The following CACNG3 variants were observed in gnomAD, a reference collection of about 807,000 sequenced individuals.
CACNG3 encodes the protein calcium voltage-gated channel auxiliary subunit gamma 3, also known as voltage-dependent calcium channel gamma-3 subunit.
A neutral mutation model predicts 28.5 loss-of-function variants in CACNG3; 3 were observed. The observed-to-expected ratio is 0.11, with a 90% CI of 0.05 to 0.27. CACNG3 has a LOEUF of 0.27. Ranked by LOEUF, CACNG3 falls within the 10% of genes least tolerant of loss-of-function variation. The probability of loss-of-function intolerance (pLI) is 1.00; values close to 1 mark genes in which losing one functional copy is unlikely to be tolerated. For synonymous variants in CACNG3, 174 were observed against 162.2 expected, an observed-to-expected ratio of 1.07 and a Z score of -0.55; for missense variants, 236 against 414.4, an observed-to-expected ratio of 0.57 and a Z score of 3.74.
intron 1 of CACNG3, among the ~76,000 whole-genome samples, chr16:24,286,525 A>G (rs1403302778): frequency 6.6e-6 from 1 of 152,050 alleles, no homozygotes; most frequent in Non-Finnish European, 1.5e-5. Context: ...GCAGCCCTGA[A>G]TTTCAGTCAT....
intron 3 of CACNG3, among the ~76,000 whole-genome samples, chr16:24,359,909 C>T (rs528596163): frequency 3.9e-5 from 6 of 152,270 alleles, no homozygotes; most frequent in Admixed American, 3.9e-4. Flanking sequence ...AATCCTAATG[C>T]ATGTGCACCA....
intron 1 of CACNG3, among the ~76,000 whole-genome samples, chr16:24,315,313 A>G (rs1596639461): frequency 6.6e-6 from 1 of 152,002 alleles, no homozygotes; most frequent in Non-Finnish European, 1.5e-5. Context: ...AATCCTAGGA[A>G]GGGATGTTTG....
At chr16:24,339,276 A>C (rs1222217989) in intron 1 of CACNG3, among the ~76,000 whole-genome samples, 1 of 152,146 alleles carries the variant, frequency 6.6e-6, no homozygotes, top group Non-Finnish European at 1.5e-5. Flanking sequence ...ACAATGACTT[A>C]ATTATTACAG....
chr16:24,291,076 G>A lies in CACNG3; in HGVS notation c.211+34111G>A, dbSNP rs867921622. Reference sequence around the variant, plus strand: ...TTGGGCATGTCACTTCACTCTCCTGGGATGCACATTCTTCTGCTGTAAATG... The same window carrying A: ...TTGGGCATGTCACTTCACTCTCCTGAGATGCACATTCTTCTGCTGTAAATG... On this transcript the variant is annotated intron_variant, in intron 1 of 3. Coordinates refer to ENST00000005284, the MANE Select transcript of CACNG3 (RefSeq NM_006539.4). Among the ~76,000 whole-genome samples, 3 of 152,128 alleles carry A rather than the reference G, an allele frequency of 2.0e-5. No individual in the cohort carries two copies. In the South Asian group the frequency reaches 6.2e-4, roughly 32 times the overall value.
rs753398983 is a variant in CACNG3 at position 24,361,502 on chromosome 16, C to T, written c.587C>T (p.Ala196Val). 6.2e-7 allele frequency: 1 copy of T among 1,614,076 alleles called. No homozygotes were observed. Among genetic ancestry groups the T allele is most frequent in the Non-Finnish European group, 8.5e-7 (1 of 1,180,002 alleles). Residue 196 changes from alanine to valine, a missense_variant, in exon 4 of 4, where the codon GCC (alanine) becomes GTC (valine). Around this residue, in one of 2 missense-constraint regions of CACNG3, gnomAD observed 120 missense variants for 263.4 expected, o/e 0.46. Transcript: ENST00000005284. The surrounding 1 kb of genome is among the most constrained non-coding windows in gnomAD (Gnocchi z 6.8). ...FIIAEIVGVV[A>V]VHIYIEKHQQ... ...ATCGCAGAAATTGTAGGAGTGGTTG[C>T]CGTGCACATCTATATTGAAAAACAT...
intron 1 of CACNG3, among the ~76,000 whole-genome samples, chr16:24,292,709 G>C (rs1337157929): frequency 6.6e-6 from 1 of 152,148 alleles, no homozygotes; most frequent in African/African-American, 2.4e-5. Context: ...AAAAGAAAAA[G>C]TGAGTAGGAG....
intron 2 of CACNG3, among the ~76,000 whole-genome samples, chr16:24,349,309 C>T (rs1364282621): frequency 6.6e-6 from 1 of 152,202 alleles, no homozygotes; most frequent in Non-Finnish European, 1.5e-5. Context: ...AGCCCCAAGA[C>T]AGGGTTCTTG....
At chr16:24,274,941 G>A (rs1020188852) in intron 1 of CACNG3, among the ~76,000 whole-genome samples, 6 of 152,158 alleles carry the variant, frequency 3.9e-5, no homozygotes, top group East Asian at 1.9e-4. Context: ...TCGGAAAACC[G>A]CTGTCCTCAA....
chr16:24,332,278 T>C (rs779504892), intron 1 of CACNG3, among the ~76,000 whole-genome samples: 2 of 152,082 alleles, frequency 1.3e-5, no homozygotes, highest in Admixed American at 6.5e-5. Context: ...CTGGACAACA[T>C]AGTGAGACTC....
intron 1 of CACNG3, among the ~76,000 whole-genome samples, chr16:24,291,567 C>G (rs1194354359): frequency 6.6e-6 from 1 of 152,072 alleles, no homozygotes; most frequent in Non-Finnish European, 1.5e-5. Context: ...CAGGATTCTT[C>G]TTAGAAAAAT....
intron 1 of CACNG3, among the ~76,000 whole-genome samples, chr16:24,319,537 T>A (rs865961373): frequency 7.2e-5 from 11 of 152,334 alleles, no homozygotes; most frequent in South Asian, 4.1e-4. Flanking sequence ...TACTGCAGAC[T>A]TGACCTCCTG....
At chr16:24,312,524 G>A (rs1256805043) in intron 1 of CACNG3, among the ~76,000 whole-genome samples, 2 of 152,064 alleles carry the variant, frequency 1.3e-5, no homozygotes, top group South Asian at 2.1e-4. Context: ...CTAAATGAAA[G>A]TATGCTTCTG....
chr16:24,315,376 C>T (rs962273107), intron 1 of CACNG3, among the ~76,000 whole-genome samples: 1 of 152,014 alleles, frequency 6.6e-6, no homozygotes, highest in Non-Finnish European at 1.5e-5. Flanking sequence ...CACATCACTC[C>T]TTCCTACTCT....
At chr16:24,295,840 G>C (rs1899024689) in intron 1 of CACNG3, among the ~76,000 whole-genome samples, 1 of 151,942 alleles carries the variant, frequency 6.6e-6, no homozygotes, top group African/African-American at 2.4e-5. Flanking sequence ...AGAGTAAGAC[G>C]CTGTCTCAAA....
chr16:24,313,893 C>T (rs567732416), intron 1 of CACNG3, among the ~76,000 whole-genome samples: 2 of 152,120 alleles, frequency 1.3e-5, no homozygotes, highest in East Asian at 3.9e-4. Flanking sequence ...TACAGGTGCG[C>T]ACCACCACAC....
chr16:24,259,541 G>C (rs1257997231), intron 1 of CACNG3, among the ~76,000 whole-genome samples: 1 of 152,146 alleles, frequency 6.6e-6, no homozygotes, highest in Non-Finnish European at 1.5e-5. Flanking sequence ...CATTTTCTTA[G>C]AGGTCAAATT....
chr16:24,327,126 CAAAAAAAAAAAAAA>C (rs57918697), intron 1 of CACNG3, among the ~76,000 whole-genome samples: 2 of 35,818 alleles, frequency 5.6e-5, no homozygotes, highest in Non-Finnish European at 8.9e-5. Context: ...GGCTCCAAAC[CAAAAAAAAAAAAAA>C]AAAAAAAAAA....
intron 1 of CACNG3, among the ~76,000 whole-genome samples, chr16:24,284,202 C>G (rs1898865332): frequency 6.6e-6 from 1 of 152,012 alleles, no homozygotes; most frequent in Admixed American, 6.6e-5. Flanking sequence ...ATGAAATTTT[C>G]CTGTGGTTTG....
intron 1 of CACNG3, among the ~76,000 whole-genome samples, chr16:24,287,964 A>G (rs1247832203): frequency 6.6e-6 from 1 of 152,196 alleles, no homozygotes. Context: ...AGTAAATTAA[A>G]TAAATAAAGT....
Sources: allele counts gnomAD v4.1 joint callset (sites outside exome capture counted in the v4.1 genomes callset), GRCh38; gene constraint gnomAD v4.1.1; regional missense constraint gnomAD v4.1.1; non-coding constraint Gnocchi (gnomAD v3.1); transcripts MANE v1.5; gene names NCBI Gene and HGNC (gene_info 2026-07-23, HGNC 2026-07-21).